SNX4: variants seen among roughly 807,000 people sequenced by gnomAD.
SNX4 encodes the protein sorting nexin 4.
In SNX4, 49 loss-of-function variants were observed where a neutral mutation model predicts 70.8. The ratio of observed to expected loss-of-function variants is 0.69; its 90% confidence interval spans 0.55 to 0.88. The LOEUF is 0.88. Ranked by LOEUF, SNX4 falls within the 40% of genes least tolerant of loss-of-function variation. SNX4 has a pLI of 0.00. For synonymous variants in SNX4, 206 were observed against 183.8 expected (o/e 1.12, Z -0.98); for missense variants, 528 against 544.8 (o/e 0.97, Z 0.31).
intron 8 of SNX4, among the ~76,000 whole-genome samples, chr3:125,475,240 A>C (rs1415284546): frequency 6.6e-6 from 1 of 152,176 alleles, no homozygotes; most frequent in East Asian, 1.9e-4. Context: ...GAATTAAATA[A>C]ATTTAAATCT....
At chr3:125,520,011 T>C in intron 1 of SNX4, 21 bp downstream of exon 1, 1 of 1,396,516 alleles carries the variant, frequency 7.2e-7, no homozygotes, top group South Asian at 1.2e-5. Context: ...CCATGAGGGC[T>C]CTGCCGCCCC....
At chr3:125,483,140 A>T (rs990530585) in intron 6 of SNX4, among the ~76,000 whole-genome samples, 3 of 148,958 alleles carry the variant, frequency 2.0e-5, no homozygotes, top group Non-Finnish European at 4.5e-5. Context: ...AATTAAATTT[A>T]TATATAAATA....
At chr3:125,501,582 G>A (rs183955097) in intron 2 of SNX4, among the ~76,000 whole-genome samples, 100 of 151,202 alleles carry the variant, frequency 6.6e-4, no homozygotes, top group Non-Finnish European at 1.0e-3. Flanking sequence ...ATCATGTCAC[G>A]GCATTCCAGC....
chr3:125,479,929 A>C (rs1251533969), intron 7 of SNX4, among the ~76,000 whole-genome samples: 1 of 152,202 alleles, frequency 6.6e-6, no homozygotes, highest in Non-Finnish European at 1.5e-5. Context: ...CTTTAAAAAA[A>C]ACATGAAAGA....
At position 125,520,200 on chromosome 3, in the gene SNX4, T is replaced by A. The variant is rs948761342; in HGVS notation, c.-28A>T. The A allele has an allele frequency of 5.7e-5, 60 of 1,044,522 alleles. No homozygotes were observed. The highest frequency in any genetic ancestry group is 4.3e-4 in the Middle Eastern group (1 of 2,316). 64.7% of individuals were successfully genotyped at this position (1,044,522 alleles called of 1,614,324 possible). ...CTGCAGTTCGGCGCGGCGAACCCAG[T>A]GCGCCTGCGCCGCCGCCGCGCCCGC... On this transcript the variant is annotated 5_prime_UTR_variant, in exon 1 of 14. Transcript: ENST00000251775.
At chr3:125,483,224 G>C (rs900807853) in intron 6 of SNX4, among the ~76,000 whole-genome samples, 1 of 151,654 alleles carries the variant, frequency 6.6e-6, no homozygotes, top group Non-Finnish European at 1.5e-5. Context: ...CGTAGAGCCA[G>C]TTACAACTGA....
At chr3:125,497,284 T>C (rs1934816788) in intron 5 of SNX4, 57 bp downstream of exon 5, 1 of 1,078,582 alleles carries the variant, frequency 9.3e-7, no homozygotes, top group South Asian at 1.3e-5. Context: ...AATGAGTGCA[T>C]GGCACCATGC....
intron 6 of SNX4, among the ~76,000 whole-genome samples, chr3:125,486,717 T>C (rs1420494141): frequency 6.6e-6 from 1 of 152,138 alleles, no homozygotes; most frequent in Non-Finnish European, 1.5e-5. Flanking sequence ...CAATATAAGA[T>C]GCTCAATAAA....
chr3:125,477,734 T>A (rs1934318614), intron 7 of SNX4, among the ~76,000 whole-genome samples: 1 of 152,200 alleles, frequency 6.6e-6, no homozygotes, highest in African/African-American at 2.4e-5. Flanking sequence ...TTCCATCTAT[T>A]GTTGGCCTGC....
chr3:125,489,491 A>G (rs1487173258), intron 5 of SNX4, 28 bp from the exon 6 acceptor site: 14 of 1,571,256 alleles, frequency 8.9e-6, no homozygotes, highest in Non-Finnish European at 1.2e-5. Context: ...TTCACTTAAT[A>G]CAATTACATT....
intron 3 of SNX4, 24 bp from the exon 4 acceptor site, chr3:125,498,007 A>G: frequency 1.2e-6 from 2 of 1,614,054 alleles, no homozygotes; most frequent in East Asian, 4.5e-5. Context: ...ATAATCATTA[A>G]GAATAGTCTC....
In SNX4 at chr3:125,469,116, G is replaced by A. The variant is rs75596337; in HGVS notation, c.854+338C>T. Among the ~76,000 whole-genome samples, 966 of 152,184 alleles carry A rather than the reference G, an allele frequency of 6.3e-3. 10 individuals carry two copies. The highest frequency in any genetic ancestry group is 0.027 in the Middle Eastern group (8 of 294). ...ATATTTCACTATTAAGTACAATATTGGCTATAAATTTTAGACTGAGAAAAT... is the reference window on the plus strand; with the variant it reads ...ATATTTCACTATTAAGTACAATATTAGCTATAAATTTTAGACTGAGAAAAT... On this transcript the variant is annotated intron_variant, in intron 9 of 13. Coordinates refer to ENST00000251775, the MANE Select transcript of SNX4 (RefSeq NM_003794.4).
chr3:125,474,891 T>C (rs956134673), intron 8 of SNX4, among the ~76,000 whole-genome samples: 1 of 152,206 alleles, frequency 6.6e-6, no homozygotes, highest in Non-Finnish European at 1.5e-5. Context: ...TAAATAAGCA[T>C]TGTTCCCAAG....
At chr3:125,463,296 G>A (rs1933928736) in intron 9 of SNX4, among the ~76,000 whole-genome samples, 1 of 152,166 alleles carries the variant, frequency 6.6e-6, no homozygotes, top group African/African-American at 2.4e-5. Context: ...ATTAAGAGTA[G>A]GAAAACCTGC....
chr3:125,481,599 C>G lies in SNX4; in HGVS notation c.654-1280G>C, dbSNP rs1211121689. On this transcript the variant is annotated intron_variant, in intron 6 of 13. Coordinates refer to ENST00000251775, the MANE Select transcript of SNX4 (RefSeq NM_003794.4). ...GAGTATCTGGGATTATAGGCATGTA[C>G]CACCACACCCGTCTCTCTTTAGTAG... 2.0e-5 allele frequency among the ~76,000 whole-genome samples: 3 copies of G among 152,128 alleles called. No homozygotes were observed. The South Asian group carries it at 6.2e-4, about 31-fold the overall frequency.
intron 8 of SNX4, among the ~76,000 whole-genome samples, chr3:125,474,907 T>G (rs564639557): frequency 6.6e-6 from 1 of 152,212 alleles, no homozygotes; most frequent in Non-Finnish European, 1.5e-5. Flanking sequence ...CCAAGCTTAA[T>G]TGGGTTCCAG....
intron 13 of SNX4, among the ~76,000 whole-genome samples, chr3:125,450,829 C>G (rs2107838126): frequency 6.6e-6 from 1 of 152,262 alleles, no homozygotes; most frequent in Non-Finnish European, 1.5e-5. Context: ...AAGCATATAC[C>G]TGGAATGGTA....
chr3:125,467,393 A>G (rs538849476), intron 9 of SNX4, among the ~76,000 whole-genome samples: 2 of 152,066 alleles, frequency 1.3e-5, no homozygotes, highest in Non-Finnish European at 2.9e-5. Flanking sequence ...TCTCAGAAAA[A>G]ATGAAAACAA....
chr3:125,510,483 C>A (rs1935147080), intron 1 of SNX4, among the ~76,000 whole-genome samples: 1 of 152,150 alleles, frequency 6.6e-6, no homozygotes, highest in Non-Finnish European at 1.5e-5. Context: ...CCCGCCTCAG[C>A]CTCCCAAAGT....
Sources: gnomAD v4.1 joint callset for allele counts (sites outside exome capture counted in the v4.1 genomes callset) on GRCh38, gnomAD v4.1.1 for gene constraint, MANE v1.5 for transcripts, NCBI Gene and HGNC (gene_info 2026-07-23, HGNC 2026-07-21) for gene names.